Variants in ARMC2 observed in about 807,000 individuals in gnomAD.
ARMC2 encodes the protein armadillo repeat-containing protein 2.
Under a neutral mutation model 90.3 loss-of-function variants are expected in ARMC2, and 67 were observed. That is an observed-to-expected ratio of 0.74 (90% CI 0.61 to 0.91). The LOEUF (loss-of-function observed/expected upper bound fraction) is 0.91. Ranked by LOEUF, ARMC2 falls within the 40% of genes least tolerant of loss-of-function variation. The pLI is 0.00. For missense variants in ARMC2, 920 were observed against 1,030.9 expected (o/e 0.89, Z 1.47); for synonymous variants, 393 against 393.0 (o/e 1.00, Z 0.00).
intron 10 of ARMC2, among the ~76,000 whole-genome samples, chr6:108,919,280 T>C (rs887551611): frequency 1.3e-5 from 2 of 152,218 alleles, no homozygotes; most frequent in Non-Finnish European, 2.9e-5. Flanking sequence ...TTAATGCATT[T>C]GTATTTAGGT....
At chr6:108,864,997 A>ATTTT (rs36025894) in intron 3 of ARMC2, among the ~76,000 whole-genome samples, 2 of 132,830 alleles carry the variant, frequency 1.5e-5, no homozygotes, top group Admixed American at 7.7e-5. Flanking sequence ...TCTCAAGTGA[A>ATTTT]TTTTTTTTTT....
At chr6:109,000,447 A>G in the ARMC2 span, 1 of 1,382,958 alleles carries the variant, frequency 7.2e-7, no homozygotes, top group Non-Finnish European at 9.5e-7. Context: ...ACTGCTCTAA[A>G]AAAGTCTGAA....
chr6:108,855,733 C>T (rs569858488), intron 2 of ARMC2, among the ~76,000 whole-genome samples: 1 of 152,292 alleles, frequency 6.6e-6, no homozygotes, highest in Admixed American at 6.5e-5. Flanking sequence ...TTGACATTGT[C>T]AGTGTTCTAG....
the ARMC2 span, among the ~76,000 whole-genome samples, chr6:108,994,074 A>C: frequency 5.6e-3 from 850 of 150,656 alleles, 8 homozygotes; most frequent in African/African-American, 0.019. Flanking sequence ...TAAGAGTCTC[A>C]GGTTACAGTG....
chr6:108,912,390 T>C lies in ARMC2; in HGVS notation c.1182T>C (p.Phe394=), dbSNP rs1773530951. Residue 394 remains phenylalanine (F), a synonymous_variant, in exon 10 of 18, where the codon TTT becomes TTC. Transcript: ENST00000392644. The part of the protein sequence containing the change: ...SEDLQTNMEA[F]LYCMGSIKFI... ...ACCTGCAAACTAACATGGAAGCTTT[T>C]TTATACTGTATGGGGTCTATAAAGT... 1.3e-5 allele frequency: 21 copies of C among 1,613,330 alleles called. No individual in the cohort carries two copies. The highest frequency in any genetic ancestry group is 1.8e-5 in the Non-Finnish European group (21 of 1,179,710).
At chr6:108,947,829 G>GA (rs5879005) in intron 12 of ARMC2, among the ~76,000 whole-genome samples, 1,908 of 139,042 alleles carry the variant, frequency 0.014, 60 homozygotes, top group Admixed American at 0.079. Flanking sequence ...CCTTCTTTAG[G>GA]AAAAAAAAAA....
chr6:108,937,985 C>A (rs533584356), intron 12 of ARMC2, among the ~76,000 whole-genome samples: 1 of 152,214 alleles, frequency 6.6e-6, no homozygotes, highest in Non-Finnish European at 1.5e-5. Context: ...TAGGCGTGAG[C>A]CACTGCACCC....
intron 4 of ARMC2, among the ~76,000 whole-genome samples, chr6:108,873,523 A>G (rs1486699734): frequency 1.3e-5 from 2 of 152,200 alleles, no homozygotes; most frequent in African/African-American, 2.4e-5. Context: ...TTCAAGCCTC[A>G]GGGAGAACCT....
At chr6:108,908,644 C>A (rs1371118875) in intron 8 of ARMC2, among the ~76,000 whole-genome samples, 1 of 151,064 alleles carries the variant, frequency 6.6e-6, no homozygotes, top group African/African-American at 2.4e-5. Context: ...GCTGCTCTGG[C>A]GGCTGAGGCA....
the ARMC2 span, among the ~76,000 whole-genome samples, chr6:108,991,091 A>C: frequency 2.0e-5 from 3 of 151,760 alleles, no homozygotes; most frequent in Non-Finnish European, 4.4e-5. Context: ...ACAAAAAAAA[A>C]CTAATAGTCT....
chr6:108,935,200 T>G (rs1379326773), intron 11 of ARMC2, among the ~76,000 whole-genome samples: 1 of 152,212 alleles, frequency 6.6e-6, no homozygotes, highest in Admixed American at 6.5e-5. Flanking sequence ...TTGCAAAATC[T>G]TTCCTATTTT....
At chr6:108,989,001 C>A in the ARMC2 span, among the ~76,000 whole-genome samples, 1 of 152,158 alleles carries the variant, frequency 6.6e-6, no homozygotes, top group African/African-American at 2.4e-5. Flanking sequence ...CGTAGCCACA[C>A]TGAGGAACAA....
At chr6:108,901,812 C>A (rs1365957096) in intron 7 of ARMC2, among the ~76,000 whole-genome samples, 1 of 152,178 alleles carries the variant, frequency 6.6e-6, no homozygotes, top group Non-Finnish European at 1.5e-5. Context: ...CAATTTGTCC[C>A]AATAATTTCC....
chr6:108,907,977 T>A, intron 8 of ARMC2: 1 of 1,028,612 alleles, frequency 9.7e-7, no homozygotes, highest in Non-Finnish European at 1.4e-6. Flanking sequence ...TAAACATTTA[T>A]TAAGGTTCCC....
the ARMC2 span, chr6:108,994,627 T>C: frequency 1.3e-6 from 2 of 1,597,372 alleles, no homozygotes; most frequent in South Asian, 1.1e-5. Flanking sequence ...AAAAATACAA[T>C]TAATGTTACA....
At chr6:108,937,365 A>G (rs1776038410) in intron 12 of ARMC2, among the ~76,000 whole-genome samples, 1 of 152,114 alleles carries the variant, frequency 6.6e-6, no homozygotes, top group Admixed American at 6.5e-5. Flanking sequence ...TCCAGGTTTC[A>G]TTCCAGTCTA....
intron 3 of ARMC2, 48 bp downstream of exon 3, chr6:108,858,319 G>T (rs1161237719): frequency 6.8e-7 from 1 of 1,467,068 alleles, no homozygotes; most frequent in Admixed American, 1.9e-5. Context: ...GTTGTGAAAT[G>T]AAATTGGCCA....
chr6:108,889,152 A>G (rs1770685989), intron 5 of ARMC2, among the ~76,000 whole-genome samples: 1 of 151,726 alleles, frequency 6.6e-6, no homozygotes, highest in African/African-American at 2.4e-5. Flanking sequence ...TTCTTTTATT[A>G]TTATTATTTT....
At chr6:108,961,976 A>C in intron 14 of ARMC2, 38 bp from the exon 15 acceptor site, 2 of 1,420,716 alleles carry the variant, frequency 1.4e-6, no homozygotes, top group East Asian at 4.6e-5. Flanking sequence ...GTTAAAACTT[A>C]AATTCACTGA....
Sources: gnomAD v4.1 joint callset for allele counts (sites outside exome capture counted in the v4.1 genomes callset) on GRCh38, gnomAD v4.1.1 for gene constraint, MANE v1.5 for transcripts, NCBI Gene and HGNC (gene_info 2026-07-23, HGNC 2026-07-21) for gene names.